Variants in LRP1B observed in about 807,000 individuals in gnomAD.
LRP1B encodes the protein LDL receptor related protein 1B.
Under a neutral mutation model 556.6 loss-of-function variants are expected in LRP1B, and 217 were observed. The observed-to-expected ratio is 0.39, with a 90% CI of 0.35 to 0.44. LRP1B has a LOEUF of 0.44. Ranked by LOEUF, LRP1B falls within the 20% of genes least tolerant of loss-of-function variation. LRP1B has a pLI of 1.00. For missense variants in LRP1B, 5,053 were observed against 5,620.8 expected, an observed-to-expected ratio of 0.90 and a Z score of 3.23; for synonymous variants, 2,047 against 1,865.8, an observed-to-expected ratio of 1.10 and a Z score of -2.50.
intron 2 of LRP1B, among the ~76,000 whole-genome samples, chr2:141,507,537 T>C (rs1683975556): frequency 6.6e-6 from 1 of 152,136 alleles, no homozygotes; most frequent in Non-Finnish European, 1.5e-5. Context: ...TTCTATGCAG[T>C]CACGCAGTAA....
intron 41 of LRP1B, among the ~76,000 whole-genome samples, chr2:140,657,380 C>T (rs1684916006): frequency 6.6e-6 from 1 of 151,626 alleles, no homozygotes; most frequent in African/African-American, 2.4e-5. Context: ...CTCAGCACTT[C>T]GTATCCTAAG....
chr2:140,457,350 A>C, intron 61 of LRP1B, 113 bp downstream of exon 61: 1 of 826,906 alleles, frequency 1.2e-6, no homozygotes, highest in Non-Finnish European at 1.9e-6. Flanking sequence ...TAAATAATTA[A>C]ATCTAGTAAT....
chr2:141,558,883 C>A (rs961636853), intron 2 of LRP1B, among the ~76,000 whole-genome samples: 1 of 151,618 alleles, frequency 6.6e-6, no homozygotes, highest in Non-Finnish European at 1.5e-5. Context: ...CTATTCAAGG[C>A]CATAAGGAAT....
chr2:140,370,239 T>C (rs1489357640), intron 71 of LRP1B, among the ~76,000 whole-genome samples: 1 of 152,004 alleles, frequency 6.6e-6, no homozygotes, highest in East Asian at 1.9e-4. Context: ...TAAGGAAATT[T>C]AGGGATTTGG....
intron 41 of LRP1B, among the ~76,000 whole-genome samples, chr2:140,695,300 G>A (rs1490885522): frequency 6.6e-6 from 1 of 152,010 alleles, no homozygotes; most frequent in Non-Finnish European, 1.5e-5. Context: ...AGCTTGTAGA[G>A]TCAATAACTT....
intron 14 of LRP1B, among the ~76,000 whole-genome samples, chr2:141,006,334 G>A (rs544412638): frequency 1.1e-3 from 174 of 151,890 alleles, no homozygotes; most frequent in Non-Finnish European, 2.0e-3. Context: ...ATATATCATC[G>A]TTAACTATAA....
intron 7 of LRP1B, among the ~76,000 whole-genome samples, chr2:141,138,766 CATA>C (rs1222031475): frequency 6.6e-6 from 1 of 151,764 alleles, no homozygotes; most frequent in Middle Eastern, 3.2e-3. Context: ...GGGTAGAAGG[CATA>C]ATATTGTCAA....
At chr2:140,519,523 G>A (rs1271129695) in intron 49 of LRP1B, among the ~76,000 whole-genome samples, 3 of 152,034 alleles carry the variant, frequency 2.0e-5, no homozygotes, top group South Asian at 2.1e-4. Context: ...AGAAAACCTC[G>A]GCAATACCAT....
rs939173119 is a variant in LRP1B at position 141,922,825 on chromosome 2, C to T, written c.83-112424G>A. On this transcript the variant is annotated intron_variant, in intron 1 of 90. Transcript: ENST00000389484. ...ATGGGAATGATAAAAAGTAGCCAGG[C>T]GTGGTGGCTCCTGCCTGTAATTTCA... 5.9e-5 allele frequency among the ~76,000 whole-genome samples: 9 copies of T among 152,198 alleles called. No individual in the cohort carries two copies. The South Asian group carries it at 1.7e-3, about 28-fold the overall frequency.
intron 31 of LRP1B, among the ~76,000 whole-genome samples, chr2:140,816,819 A>G (rs1482210706): frequency 6.6e-6 from 1 of 152,140 alleles, no homozygotes; most frequent in South Asian, 2.1e-4. Flanking sequence ...AGTATAATAC[A>G]TATCTCTGAA....
In LRP1B at chr2:142,028,633, A is replaced by G. The variant is rs570324408; in HGVS notation, c.82+102015T>C. ...TATTACAAATAAAGTTGATATAAAC[A>G]TTCACATACAGATATTGTGGTAACA... On this transcript the variant is annotated intron_variant, in intron 1 of 90. Coordinates refer to ENST00000389484, the MANE Select transcript of LRP1B (RefSeq NM_018557.3). 9.9e-5 allele frequency among the ~76,000 whole-genome samples: 15 copies of G among 152,126 alleles called. No individual in the cohort carries two copies. In the South Asian group the frequency reaches 3.1e-3, roughly 31 times the overall value.
At chr2:140,902,845 C>T (rs2105222096) in intron 23 of LRP1B, 75 bp downstream of exon 23, 1 of 1,480,118 alleles carries the variant, frequency 6.8e-7, no homozygotes, top group Non-Finnish European at 9.2e-7. Flanking sequence ...CATTAATTTT[C>T]TGAAGCAGTT....
At chr2:140,876,129 T>A (rs1693297399) in intron 25 of LRP1B, among the ~76,000 whole-genome samples, 1 of 152,126 alleles carries the variant, frequency 6.6e-6, no homozygotes, top group African/African-American at 2.4e-5. Context: ...AGAGCTGAAA[T>A]GTTTATGAGT....
At position 141,941,338 on chromosome 2, in the gene LRP1B, C is replaced by CTTTGCTTGATGGTGTATTT. The variant is rs1700794718; in HGVS notation, c.83-130956_83-130938dup. ...GTGTCATGTGTGTACATGGGCCACT[C>CTTTGCTTGATGGTGTATTT]TTTGCTTGATGGTGTATTTGCTAAT... is the stretch of plus-strand genomic sequence containing the variant. On this transcript the variant is annotated intron_variant, in intron 1 of 90. Coordinates refer to ENST00000389484, the MANE Select transcript of LRP1B (RefSeq NM_018557.3). Among the ~76,000 whole-genome samples the CTTTGCTTGATGGTGTATTT allele has an allele frequency of 2.0e-5, 3 of 152,170 alleles. No individual in the cohort carries two copies. The South Asian group carries it at 6.2e-4, about 32-fold the overall frequency.
chr2:141,068,184 G>A (rs74959891), intron 7 of LRP1B, among the ~76,000 whole-genome samples: 309 of 152,028 alleles, frequency 2.0e-3, no homozygotes, highest in African/African-American at 6.7e-3. Context: ...ACATTGAAGC[G>A]GTGTCCTTGT....
At chr2:141,797,848 GA>G (rs1340158102) in intron 2 of LRP1B, among the ~76,000 whole-genome samples, 1 of 152,090 alleles carries the variant, frequency 6.6e-6, no homozygotes, top group African/African-American at 2.4e-5. Flanking sequence ...AAAACAGCCA[GA>G]AAAACCTTGA....
chr2:140,365,208 C>T lies in LRP1B; in HGVS notation c.11009-425G>A, dbSNP rs562482438. ...AGACAATTTAGCTGTATCTGAAATA[C>T]TGATAAACTAGATCACTAAAAACTT... On this transcript the variant is annotated intron_variant, in intron 71 of 90. Coordinates refer to ENST00000389484, the MANE Select transcript of LRP1B (RefSeq NM_018557.3). Among the ~76,000 whole-genome samples the T allele has an allele frequency of 2.1e-4, 32 of 151,532 alleles. 1 individual carries two copies. In the South Asian group the frequency reaches 4.4e-3, roughly 21 times the overall value.
At chr2:141,454,220 T>A (rs957375361) in intron 3 of LRP1B, among the ~76,000 whole-genome samples, 7 of 152,224 alleles carry the variant, frequency 4.6e-5, no homozygotes, top group African/African-American at 1.7e-4. Context: ...GTACACCACT[T>A]GGTCAATTTA....
chr2:140,460,657 G>T (rs546017481), intron 60 of LRP1B, among the ~76,000 whole-genome samples: 1 of 152,170 alleles, frequency 6.6e-6, no homozygotes, highest in African/African-American at 2.4e-5. Flanking sequence ...ACACAAAAAA[G>T]AATAAACAGA....
Sources: allele counts gnomAD v4.1 joint callset (sites outside exome capture counted in the v4.1 genomes callset), GRCh38; gene constraint gnomAD v4.1.1; transcripts MANE v1.5; gene names NCBI Gene and HGNC (gene_info 2026-07-23, HGNC 2026-07-21).